SORCS3: variants seen among roughly 807,000 people sequenced by gnomAD.
SORCS3 encodes VPS10 domain-containing receptor SorCS3.
Under a neutral mutation model 146.3 loss-of-function variants are expected in SORCS3, and 57 were observed. The ratio of observed to expected loss-of-function variants is 0.39; its 90% CI spans 0.31 to 0.49. The LOEUF (loss-of-function observed/expected upper bound fraction) is 0.49, where lower values mean the gene tolerates loss of function less well. Ranked by LOEUF, SORCS3 falls within the 20% of genes least tolerant of loss-of-function variation. The pLI, the probability that SORCS3 is intolerant of heterozygous loss-of-function variation, is 0.92. For synonymous variants in SORCS3, 653 were observed against 618.5 expected, an observed-to-expected ratio of 1.06 and a Z score of -0.83; for missense variants, 1,341 against 1,575.5, an observed-to-expected ratio of 0.85 and a Z score of 2.52.
chr10:104,783,476 G>C (rs772923241), intron 1 of SORCS3, among the ~76,000 whole-genome samples: 1 of 152,192 alleles, frequency 6.6e-6, no homozygotes, highest in African/African-American at 2.4e-5. Flanking sequence ...GCTCACACCT[G>C]TAATCCCAGC....
At chr10:105,081,258 G>C (rs1318970276) in intron 5 of SORCS3, among the ~76,000 whole-genome samples, 3 of 151,808 alleles carry the variant, frequency 2.0e-5, no homozygotes, top group African/African-American at 7.3e-5. Context: ...TTAATTCCTG[G>C]GGAAGTTTTT....
At chr10:105,023,888 T>G (rs1468924810) in intron 4 of SORCS3, among the ~76,000 whole-genome samples, 3 of 151,818 alleles carry the variant, frequency 2.0e-5, no homozygotes, top group Non-Finnish European at 4.4e-5. Flanking sequence ...GATAGGATGG[T>G]GGGGAGACAA....
chr10:104,906,934 A>G (rs1447240381), intron 2 of SORCS3, among the ~76,000 whole-genome samples: 2 of 152,128 alleles, frequency 1.3e-5, no homozygotes, highest in African/African-American at 2.4e-5. Context: ...GGTAACTTCT[A>G]TTAGTAGTTT....
chr10:104,937,331 G>T (rs1366871589), intron 3 of SORCS3, among the ~76,000 whole-genome samples: 2 of 152,158 alleles, frequency 1.3e-5, no homozygotes, highest in African/African-American at 4.8e-5. Context: ...GTGGATCAAT[G>T]GTTTTTATGC....
intron 5 of SORCS3, among the ~76,000 whole-genome samples, chr10:105,073,973 T>C (rs2055573564): frequency 6.6e-6 from 1 of 152,178 alleles, no homozygotes; most frequent in Non-Finnish European, 1.5e-5. Flanking sequence ...ATTTCAATCC[T>C]CCCACTTTTC....
chr10:104,684,129 G>C (rs2016014195), intron 1 of SORCS3, among the ~76,000 whole-genome samples: 1 of 152,142 alleles, frequency 6.6e-6, no homozygotes, highest in Non-Finnish European at 1.5e-5. Flanking sequence ...TCTGGCACGA[G>C]GCACCCCTGG....
chr10:105,001,808 G>A (rs2055063391), intron 4 of SORCS3, among the ~76,000 whole-genome samples: 1 of 152,132 alleles, frequency 6.6e-6, no homozygotes, highest in Non-Finnish European at 1.5e-5. Flanking sequence ...AGCTCTTCAG[G>A]CACAATATGT....
At chr10:105,039,913 G>T (rs1340442121) in intron 4 of SORCS3, among the ~76,000 whole-genome samples, 2 of 152,130 alleles carry the variant, frequency 1.3e-5, no homozygotes, top group African/African-American at 4.8e-5. Flanking sequence ...GACCCTCATG[G>T]TTTTTACCTG....
At chr10:105,125,296 G>C (rs2055965690) in intron 7 of SORCS3, among the ~76,000 whole-genome samples, 1 of 152,114 alleles carries the variant, frequency 6.6e-6, no homozygotes, top group South Asian at 2.1e-4. Context: ...AATTACATTA[G>C]TAGTAACAAC....
chr10:104,676,592 A>G (rs562124669), intron 1 of SORCS3, among the ~76,000 whole-genome samples: 1 of 152,200 alleles, frequency 6.6e-6, no homozygotes, highest in Non-Finnish European at 1.5e-5. Flanking sequence ...TTGTGATAGG[A>G]CATAGGGCTA....
At chr10:104,666,623 A>G (rs896242455) in intron 1 of SORCS3, among the ~76,000 whole-genome samples, 9 of 152,106 alleles carry the variant, frequency 5.9e-5, no homozygotes, top group African/African-American at 1.9e-4. Flanking sequence ...GTTTTATTTT[A>G]GAGACAGGGT....
At chr10:104,977,733 T>TTC (rs1554864584) in intron 4 of SORCS3, among the ~76,000 whole-genome samples, 4 of 137,062 alleles carry the variant, frequency 2.9e-5, no homozygotes, top group Non-Finnish European at 4.6e-5. Flanking sequence ...TTCTTTTCTT[T>TTC]TTTTTTTTTT....
At chr10:104,735,130 G>A (rs1167210034) in intron 1 of SORCS3, among the ~76,000 whole-genome samples, 1 of 152,156 alleles carries the variant, frequency 6.6e-6, no homozygotes, top group African/African-American at 2.4e-5. Flanking sequence ...CCCAGAGGGG[G>A]CTGTTCCCTG....
At chr10:104,911,374 T>C (rs2018964874) in intron 2 of SORCS3, among the ~76,000 whole-genome samples, 1 of 152,218 alleles carries the variant, frequency 6.6e-6, no homozygotes, top group Non-Finnish European at 1.5e-5. Flanking sequence ...GTGTCCTTTG[T>C]TGGGCAGTCC....
chr10:104,774,536 G>A (rs1284398008), intron 1 of SORCS3, among the ~76,000 whole-genome samples: 2 of 152,116 alleles, frequency 1.3e-5, no homozygotes, highest in East Asian at 1.9e-4. Flanking sequence ...TGGCTTTCGC[G>A]GGTGATTAAT....
chr10:105,105,323 A>C, intron 6 of SORCS3, 74 bp from the exon 7 acceptor site: 2 of 853,742 alleles, frequency 2.3e-6, no homozygotes, highest in Non-Finnish European at 3.9e-6. Context: ...CATGAAGTAG[A>C]GTTTTGTATG....
intron 7 of SORCS3, among the ~76,000 whole-genome samples, chr10:105,134,017 GAA>G (rs2056040774): frequency 6.6e-6 from 1 of 152,116 alleles, no homozygotes; most frequent in Non-Finnish European, 1.5e-5. Flanking sequence ...GGAATGCAAG[GAA>G]ACAAAACCAT....
rs141444647 is a variant in SORCS3 at position 104,968,361 on chromosome 10, C to G, written c.796-8974C>G. On this transcript the variant is annotated intron_variant, in intron 3 of 26. Coordinates refer to ENST00000369701, the MANE Select transcript of SORCS3 (RefSeq NM_014978.3). Reference sequence around the variant, plus strand: ...GAACTCCTGACCTCAGGTGATCTACCCGCCTGGGCCTCCCAAAGTACTGGG... The same window carrying G: ...GAACTCCTGACCTCAGGTGATCTACGCGCCTGGGCCTCCCAAAGTACTGGG... Among the ~76,000 whole-genome samples, 1,323 of 152,276 alleles carry G rather than the reference C, an allele frequency of 8.7e-3. 20 individuals carry two copies. Among genetic ancestry groups the G allele is most frequent in the African/African-American group, 0.03 (1,236 of 41,562 alleles).
intron 14 of SORCS3, among the ~76,000 whole-genome samples, chr10:105,193,258 CT>C (rs2056526715): frequency 6.6e-6 from 1 of 152,142 alleles, no homozygotes; most frequent in Non-Finnish European, 1.5e-5. Flanking sequence ...AATTACTTGC[CT>C]GAGATTGTTT....
Sources: allele counts gnomAD v4.1 joint callset (sites outside exome capture counted in the v4.1 genomes callset), GRCh38; gene constraint gnomAD v4.1.1; transcripts MANE v1.5; gene names NCBI Gene and HGNC (gene_info 2026-07-23, HGNC 2026-07-21).